Variants in GSE1 observed in about 807,000 individuals in gnomAD.
The protein encoded by GSE1 is genetic suppressor element 1.
Under a neutral mutation model 112.6 loss-of-function variants are expected in GSE1, and 32 were observed. That is an observed-to-expected ratio of 0.28 (90% CI 0.21 to 0.38). The LOEUF is 0.38. Ranked by LOEUF, GSE1 falls within the 10% of genes least tolerant of loss-of-function variation. The probability of loss-of-function intolerance (pLI) is 1.00; values close to 1 mark genes in which losing one functional copy is unlikely to be tolerated. For synonymous variants in GSE1, 1,115 were observed against 735.6 expected (o/e 1.52, Z -8.35); for missense variants, 2,348 against 1,699.2 (o/e 1.38, Z -6.71).
chr16:85,469,381 A>G (rs1453694981), intron 2 of GSE1, among the ~76,000 whole-genome samples: 1 of 152,196 alleles, frequency 6.6e-6, no homozygotes. Context: ...TGTGGCCACA[A>G]GCCAGGATGC....
At chr16:85,515,357 C>G (rs1444106020) in intron 2 of GSE1, among the ~76,000 whole-genome samples, 1 of 152,182 alleles carries the variant, frequency 6.6e-6, no homozygotes, top group Non-Finnish European at 1.5e-5. Context: ...CCTCCTGGGC[C>G]GTGGGGCTTC....
At chr16:85,388,587 G>T (rs535794344) in intron 2 of GSE1, among the ~76,000 whole-genome samples, 2 of 151,496 alleles carry the variant, frequency 1.3e-5, no homozygotes, top group East Asian at 3.9e-4. Context: ...TGGATGGGTG[G>T]GTGGATGGAT....
At chr16:85,563,009 C>T (rs926296916) in intron 1 of GSE1, among the ~76,000 whole-genome samples, 2 of 152,204 alleles carry the variant, frequency 1.3e-5, no homozygotes, top group African/African-American at 2.4e-5. Context: ...TCTTAGGGGA[C>T]CTCCTCAGCC....
At chr16:85,666,697 T>C (rs1219635641) in intron 13 of GSE1, 1 of 270,936 alleles carries the variant, frequency 3.7e-6, no homozygotes, top group Admixed American at 5.0e-5. Flanking sequence ...TTGAGTGGAT[T>C]TTTACCCGCA....
chr16:85,282,451 G>A (rs903133294), intron 1 of GSE1, among the ~76,000 whole-genome samples: 4 of 152,184 alleles, frequency 2.6e-5, no homozygotes, highest in African/African-American at 4.8e-5. Context: ...CTGAAAGCCC[G>A]GTTCAGAGTT....
At chr16:85,449,773 C>G (rs2049622134) in intron 2 of GSE1, among the ~76,000 whole-genome samples, 1 of 152,224 alleles carries the variant, frequency 6.6e-6, no homozygotes, top group Non-Finnish European at 1.5e-5. Context: ...GATCGCTTGA[C>G]TTCTCTGATC....
chr16:85,529,734 C>T (rs73267302), intron 2 of GSE1, among the ~76,000 whole-genome samples: 2,426 of 152,186 alleles, frequency 0.016, 53 homozygotes, highest in African/African-American at 0.056. Flanking sequence ...TAGGTGGAGA[C>T]GGAACAGGGA....
chr16:85,370,602 TCC>T (rs2047274857), intron 2 of GSE1, among the ~76,000 whole-genome samples: 1 of 4,196 alleles, frequency 2.4e-4, no homozygotes, highest in Admixed American at 6.6e-3. Flanking sequence ...CCTCTTCTCT[TCC>T]CTCCCTCCTT....
chr16:85,656,243 C>T (rs1005249080), intron 6 of GSE1, 100 bp from the exon 7 acceptor site: 28 of 1,430,440 alleles, frequency 2.0e-5, no homozygotes, highest in East Asian at 9.1e-5. Flanking sequence ...TTCAGATTAG[C>T]GCCCTGGCTC....
chr16:85,560,334 A>G (rs1015511682), intron 1 of GSE1, among the ~76,000 whole-genome samples: 4 of 151,838 alleles, frequency 2.6e-5, no homozygotes, highest in Admixed American at 6.6e-5. Flanking sequence ...ACGGGGTTTT[A>G]CCATGTTAGC....
Position 85,469,021 on chromosome 16 carries a change from G to A in GSE1, c.2464+111378G>A, listed in dbSNP as rs538991709. Among the ~76,000 whole-genome samples, 4 of 152,288 alleles carry A rather than the reference G, an allele frequency of 2.6e-5. No homozygotes were observed. In the South Asian group the frequency reaches 6.2e-4, roughly 24 times the overall value. The stretch of plus-strand genomic sequence containing the variant: ...TGTAATCCCAGCACTTTGGGAGGCC[G>A]AGGCAGGTGGATCACCTGAGGTCAG... On this transcript the variant is annotated intron_variant, in intron 2 of 2. Transcript: ENST00000637419.
chr16:85,656,259 T>C, intron 6 of GSE1, 84 bp from the exon 7 acceptor site: 1 of 1,535,656 alleles, frequency 6.5e-7, no homozygotes, highest in Non-Finnish European at 8.8e-7. Context: ...GGCTCGTTCC[T>C]GGTTATGCTT....
At position 85,430,234 on chromosome 16, in the gene GSE1, CAGAT is replaced by C. The variant is rs1315956273; in HGVS notation, c.2464+72595_2464+72598del. Among the ~76,000 whole-genome samples the C allele has an allele frequency of 3.3e-5, 5 of 152,288 alleles. No homozygotes were observed. In the East Asian group the frequency reaches 9.6e-4, roughly 29 times the overall value. On this transcript the variant is annotated intron_variant, in intron 2 of 2. Coordinates refer to the GSE1 transcript ENST00000637419. ...GAAGCCCATTTGACAGAAGAGGAAA[CAGAT>C]AGAATGCAGTGAAGGATGAGGCCAG...
chr16:85,259,511 G>A (rs1338788720), intron 1 of GSE1, among the ~76,000 whole-genome samples: 2 of 152,266 alleles, frequency 1.3e-5, no homozygotes, highest in Admixed American at 6.5e-5. Flanking sequence ...CCTCACGGCC[G>A]GCTTGTTTTG....
chr16:85,382,212 C>A (rs2047563448), intron 2 of GSE1, among the ~76,000 whole-genome samples: 1 of 152,130 alleles, frequency 6.6e-6, no homozygotes, highest in Admixed American at 6.5e-5. Context: ...GATGGCTCAT[C>A]TCCCCTGCCT....
intron 1 of GSE1, among the ~76,000 whole-genome samples, chr16:85,308,941 G>T (rs1175362410): frequency 1.3e-5 from 2 of 149,776 alleles, no homozygotes; most frequent in East Asian, 2.0e-4. Flanking sequence ...TTTCAGAAGC[G>T]CAGATGCACG....
chr16:85,369,676 G>A (rs2047254695), intron 2 of GSE1, among the ~76,000 whole-genome samples: 1 of 152,194 alleles, frequency 6.6e-6, no homozygotes, highest in South Asian at 2.1e-4. Flanking sequence ...TGCCATAGAA[G>A]GTGACATTTT....
chr16:85,471,120 G>C lies in GSE1; in HGVS notation c.2464+113477G>C, dbSNP rs116074524. ...CAGCCACGTGAGAGGTGCACGGCTCGGTCCTCCCCCATTCGCCCTGGGTGC... is the reference window on the plus strand; with the variant it reads ...CAGCCACGTGAGAGGTGCACGGCTCCGTCCTCCCCCATTCGCCCTGGGTGC... On this transcript the variant is annotated intron_variant, in intron 2 of 2. Coordinates refer to the GSE1 transcript ENST00000637419. Among the ~76,000 whole-genome samples, 461 of 152,122 alleles carry C rather than the reference G, an allele frequency of 3.0e-3. 2 individuals carry two copies. Among genetic ancestry groups the C allele is most frequent in the African/African-American group, 0.011 (438 of 41,496 alleles).
chr16:85,414,644 T>G (rs2048662434), intron 2 of GSE1, among the ~76,000 whole-genome samples: 1 of 152,214 alleles, frequency 6.6e-6, no homozygotes, highest in Non-Finnish European at 1.5e-5. Flanking sequence ...AGTTATTTAT[T>G]TATTTCTTGA....
Sources: allele counts gnomAD v4.1 joint callset (sites outside exome capture counted in the v4.1 genomes callset), GRCh38; gene constraint gnomAD v4.1.1; transcripts MANE v1.5; gene names NCBI Gene and HGNC (gene_info 2026-07-23, HGNC 2026-07-21).